GGA3: variants seen among roughly 807,000 people sequenced by gnomAD.
GGA3 encodes golgi associated, gamma adaptin ear containing, ARF binding protein 3.
Under a neutral mutation model 77.5 loss-of-function variants are expected in GGA3, and 57 were observed. That is an observed-to-expected ratio of 0.74 (90% CI 0.59 to 0.92). The LOEUF (loss-of-function observed/expected upper bound fraction) is 0.92, where lower values mean the gene tolerates loss of function less well. Ranked by LOEUF, GGA3 falls within the 40% of genes least tolerant of loss-of-function variation. The pLI is 0.00. For missense variants in GGA3, 970 were observed against 914.9 expected (o/e 1.06, Z -0.78); for synonymous variants, 416 against 383.7 (o/e 1.08, Z -0.98).
chr17:75,239,665 C>T (rs2076460555), intron 13 of GGA3, 94 bp from the exon 14 acceptor site: 1 of 1,449,860 alleles, frequency 6.9e-7, no homozygotes, highest in Non-Finnish European at 9.6e-7. Flanking sequence ...TACCCAGGCC[C>T]ACCCCTTGCC....
chr17:75,238,528 G>T, intron 16 of GGA3, 124 bp downstream of exon 16: 3 of 957,394 alleles, frequency 3.1e-6, no homozygotes, highest in Non-Finnish European at 3.2e-6. Flanking sequence ...CTTAACCTAA[G>T]GCAGCAAAGG....
At position 75,254,128 on chromosome 17, in the gene GGA3, T is replaced by C. The variant is rs576383284; in HGVS notation, c.41-7332A>G. 3.9e-4 allele frequency among the ~76,000 whole-genome samples: 60 copies of C among 152,262 alleles called. No homozygotes were observed. In the East Asian group the frequency reaches 7.3e-3, roughly 19 times the overall value. On this transcript the variant is annotated intron_variant, in intron 1 of 16. Transcript: ENST00000537686. The stretch of plus-strand genomic sequence containing the variant: ...AATGCGATTCCTCCCAAATCCTCCT[T>C]CTTTCCCTCCCGCCTGTCCCCTCAG...
At position 75,237,919 on chromosome 17, in the gene GGA3, C is replaced by T. The variant is rs1216334692; in HGVS notation, c.*360G>A. The stretch of plus-strand genomic sequence containing the variant: ...CATGACAGTCTCTCTTTAGAGACTC[C>T]CACCCCCCACCCCCCACCCCAGTGG... On this transcript the variant is annotated 3_prime_UTR_variant, in exon 17 of 17. Transcript: ENST00000537686. 4.4e-5 allele frequency: 24 copies of T among 548,346 alleles called. No individual in the cohort carries two copies. Among genetic ancestry groups the T allele is most frequent in the Non-Finnish European group, 5.9e-5 (24 of 404,392 alleles). 34.0% of individuals were successfully genotyped at this position (548,346 alleles called of 1,614,324 possible). A position where few individuals can be genotyped will look rare whatever the true frequency, so the allele number is the denominator to read the frequency against.
intron 1 of GGA3, among the ~76,000 whole-genome samples, chr17:75,250,901 G>T (rs2076943035): frequency 6.6e-6 from 1 of 151,970 alleles, no homozygotes; most frequent in Non-Finnish European, 1.5e-5. Flanking sequence ...GACCAACATG[G>T]TGAAACCCCA....
rs2076562702 is a variant in GGA3 at position 75,241,630 on chromosome 17, T to C, written c.814A>G (p.Asn272Asp). 4 of 1,614,096 alleles carry C rather than the reference T, an allele frequency of 2.5e-6. No individual in the cohort carries two copies. Among genetic ancestry groups the C allele is most frequent in the African/African-American group, 1.3e-5 (1 of 75,048 alleles). The part of the protein sequence containing the change: ...LFKLASETED[N>D]DNSLGDILQA... ...TTTCACTCACCCAAACTGTTATCAT[T>C]GTCCTCAGTCTCACTGGCGAGTTTA... Residue 272 changes from asparagine (N) to aspartate (D), a missense_variant, in exon 9 of 17, where the codon AAT becomes GAT. Coordinates refer to ENST00000537686, the MANE Select transcript of GGA3 (RefSeq NM_138619.4).
At chr17:75,247,356 G>A (rs548240789) in intron 1 of GGA3, among the ~76,000 whole-genome samples, 5 of 151,316 alleles carry the variant, frequency 3.3e-5, no homozygotes, top group Admixed American at 1.3e-4. Flanking sequence ...TCTGCCTCCC[G>A]GGTTCAAGTG....
chr17:75,262,005 GC>G (rs10539706), upstream of GGA3: 15,958 of 565,472 alleles, frequency 0.028, 1,034 homozygotes, highest in African/African-American at 0.41. Context: ...GCGAGCAGCG[GC>G]GGGGGGGCGC....
chr17:75,258,280 G>A (rs2077225028), intron 1 of GGA3, among the ~76,000 whole-genome samples: 1 of 152,190 alleles, frequency 6.6e-6, no homozygotes. Context: ...GGACGCGCAT[G>A]AAACCTATAT....
chr17:75,239,283 A>G, intron 14 of GGA3, 92 bp downstream of exon 14: 1 of 1,189,144 alleles, frequency 8.4e-7, no homozygotes, highest in Non-Finnish European at 1.2e-6. Flanking sequence ...GACCCCCTGC[A>G]AAGAGTGCCT....
At chr17:75,246,126 C>T (rs944791824) in intron 3 of GGA3, among the ~76,000 whole-genome samples, 2 of 152,180 alleles carry the variant, frequency 1.3e-5, no homozygotes, top group African/African-American at 2.4e-5. Flanking sequence ...TGAACTGGAC[C>T]GACCCCTCTT....
Position 75,242,419 on chromosome 17 carries a change from T to G in GGA3, c.664A>C (p.Asn222His). 6.2e-7 allele frequency: 1 copy of G among 1,614,116 alleles called. No homozygotes were observed. The highest frequency in any genetic ancestry group is 1.7e-5 in the Admixed American group (1 of 60,028). Residue 222 changes from asparagine (N) to histidine (H), a missense_variant, in exon 8 of 17, where the codon AAC (asparagine) becomes CAC (histidine). Asn to His is a moderately conservative substitution (Grantham distance 68). Coordinates refer to ENST00000537686, the MANE Select transcript of GGA3 (RefSeq NM_138619.4). ...TCACTGAGCAGTCTCACGTTGTTGT[T>G]AACTTCCTCTAACGTGTGCAGACGC... ...TKRLHTLEEV[N>H]NNVRLLSEML...
chr17:75,248,990 G>T, intron 1 of GGA3: 2 of 984,998 alleles, frequency 2.0e-6, no homozygotes, highest in South Asian at 9.4e-5. Flanking sequence ...CGGCCTCCCC[G>T]GCAGTGTTTC....
chr17:75,248,508 C>T (rs371915147), intron 1 of GGA3, among the ~76,000 whole-genome samples: 17 of 115,984 alleles, frequency 1.5e-4, no homozygotes, highest in African/African-American at 4.2e-4. Context: ...CCAGCTGGGC[C>T]GGGTGCAGTG....
intron 3 of GGA3, among the ~76,000 whole-genome samples, chr17:75,245,427 G>A (rs1054633872): frequency 1.3e-5 from 2 of 152,244 alleles, no homozygotes; most frequent in Non-Finnish European, 2.9e-5. Context: ...CTTGATGCCA[G>A]GAGGACCCCC....
intron 1 of GGA3, among the ~76,000 whole-genome samples, chr17:75,254,301 A>C (rs1035244693): frequency 6.7e-6 from 1 of 149,830 alleles, no homozygotes; most frequent in South Asian, 2.1e-4. Context: ...TCCTTTTATC[A>C]CCTCCCCTCC....
intron 1 of GGA3, among the ~76,000 whole-genome samples, chr17:75,256,412 A>G (rs2077153371): frequency 6.6e-6 from 1 of 151,784 alleles, no homozygotes; most frequent in African/African-American, 2.4e-5. Context: ...CCTGGCCCGG[A>G]CCTCAATCTG....
At chr17:75,246,297 G>A (rs2076754474) in intron 3 of GGA3, among the ~76,000 whole-genome samples, 1 of 152,210 alleles carries the variant, frequency 6.6e-6, no homozygotes, top group Non-Finnish European at 1.5e-5. Flanking sequence ...GGCAGGGACG[G>A]CACTGCAGTC....
At chr17:75,244,441 C>G (rs753257723) in intron 4 of GGA3, 178 bp downstream of exon 4, 12 of 601,728 alleles carry the variant, frequency 2.0e-5, no homozygotes, top group Middle Eastern at 4.3e-4. Context: ...AAAAAGCTGC[C>G]GGTCCCTGTG....
At chr17:75,261,657 T>C, upstream of GGA3, 1 of 1,402,692 alleles carries the variant, frequency 7.1e-7, no homozygotes, top group Non-Finnish European at 9.5e-7. Context: ...GGGCGGGGCC[T>C]GCATGGGGTC....
Sources: allele counts gnomAD v4.1 joint callset (sites outside exome capture counted in the v4.1 genomes callset), GRCh38; gene constraint gnomAD v4.1.1; transcripts MANE v1.5; gene names NCBI Gene and HGNC (gene_info 2026-07-23, HGNC 2026-07-21).